The following LRRK1 variants were observed in gnomAD, a reference collection of about 807,000 sequenced individuals.
LRRK1 encodes the protein leucine rich repeat kinase 1, also known as leucine-rich repeat serine/threonine-protein kinase 1.
In LRRK1, 113 loss-of-function variants were observed where a neutral mutation model predicts 209.1. The ratio of observed to expected loss-of-function variants is 0.54; its 90% confidence interval spans 0.46 to 0.63. LRRK1 has a LOEUF of 0.63. Ranked by LOEUF, LRRK1 falls within the 30% of genes least tolerant of loss-of-function variation. The pLI, the probability that LRRK1 is intolerant of heterozygous loss-of-function variation, is 0.00. For synonymous variants in LRRK1, 1,144 were observed against 1,099.7 expected (o/e 1.04, Z -0.80); for missense variants, 2,284 against 2,632.2 (o/e 0.87, Z 2.89).
At chr15:100,989,054 C>T (rs1181585299) in intron 5 of LRRK1, among the ~76,000 whole-genome samples, 196 bp from the exon 6 acceptor site, 6 of 152,210 alleles carry the variant, frequency 3.9e-5, no homozygotes, top group African/African-American at 7.2e-5. Flanking sequence ...GACTGTTGTA[C>T]GAGGCACTCC....
chr15:101,053,836 G>A (rs1433370348), intron 26 of LRRK1, among the ~76,000 whole-genome samples: 1 of 152,190 alleles, frequency 6.6e-6, no homozygotes, highest in Non-Finnish European at 1.5e-5. Context: ...AACATAAAAT[G>A]TCGAAGTAAT....
At chr15:101,017,436 G>A (rs963333) in intron 12 of LRRK1, among the ~76,000 whole-genome samples, 110,720 of 152,006 alleles carry the variant, frequency 0.73, 41,632 homozygotes, top group Middle Eastern at 0.88. Context: ...GAAATACATC[G>A]GGAGTCCCCA....
chr15:101,063,194 C>T (rs1279576510), intron 31 of LRRK1, among the ~76,000 whole-genome samples: 1 of 152,204 alleles, frequency 6.6e-6, no homozygotes, highest in African/African-American at 2.4e-5. Context: ...TCTTTAACCT[C>T]CTAGCCCTGG....
In LRRK1 at chr15:101,024,931, C is replaced by T. The variant is rs781545053; in HGVS notation, c.2196C>T (p.Ala732=). 17 of 1,613,876 alleles carry T rather than the reference C, an allele frequency of 1.1e-5. No individual in the cohort carries two copies. The highest frequency in any genetic ancestry group is 1.2e-5 in the Non-Finnish European group (14 of 1,180,020). The stretch of plus-strand genomic sequence containing the variant: ...GGAACCTGGCGCTGGGGGAGGAGGC[C>T]GTGGCCAACCTCCAGTTCTGGCTGC... The part of the protein sequence containing the change: ...VVWNLALGEE[A]VANLQFWLLN... Residue 732 remains alanine, a synonymous_variant, in exon 16 of 34, where the codon GCC becomes GCT. Transcript: ENST00000388948. This position sits in a 1 kb window ranked among gnomAD's most constrained non-coding sequence, Gnocchi z 4.6.
chr15:100,984,236 CTCCACATGGT>C (rs1490422621), intron 4 of LRRK1, among the ~76,000 whole-genome samples: 2 of 152,184 alleles, frequency 1.3e-5, no homozygotes, highest in Non-Finnish European at 2.9e-5. Context: ...ACTGTGCGCC[CTCCACATGGT>C]TTTCCCTATA....
At chr15:101,061,137 C>A in intron 29 of LRRK1, 34 bp from the exon 30 acceptor site, 1 of 1,533,596 alleles carries the variant, frequency 6.5e-7, no homozygotes, top group Non-Finnish European at 9.0e-7. Flanking sequence ...CCCTGGCCCC[C>A]GGGCACTGAC....
chr15:101,030,848 C>T (rs959710048), intron 20 of LRRK1, among the ~76,000 whole-genome samples: 4 of 152,086 alleles, frequency 2.6e-5, no homozygotes, highest in South Asian at 2.1e-4. Flanking sequence ...AGATTTCTGG[C>T]GCACCATCAC....
At position 101,076,875 on chromosome 15, in the gene LRRK1, C is replaced by T. The variant is rs1394526643; in HGVS notation, c.*8027C>T. 1.1e-3 allele frequency: 175 copies of T among 152,284 alleles called. 1 individual carries two copies. Among genetic ancestry groups the T allele is most frequent in the African/African-American group, 3.9e-3 (163 of 41,526 alleles). The allele number at this position is 152,284 out of a possible 1,614,324, so 9.4% of individuals were successfully genotyped here. ...TTCCTACAGGGTCTGAGAAGGCCAC[C>T]ATGGTCATTTCTTCCCTTCTGTCAA... On this transcript the variant is annotated 3_prime_UTR_variant, in exon 34 of 34. Transcript: ENST00000388948.
At chr15:100,942,967 G>A (rs1168575487) in intron 2 of LRRK1, among the ~76,000 whole-genome samples, 1 of 152,128 alleles carries the variant, frequency 6.6e-6, no homozygotes, top group Admixed American at 6.5e-5. Context: ...CGTAGTGCTG[G>A]CCATCCCTTT....
intron 20 of LRRK1, among the ~76,000 whole-genome samples, chr15:101,041,038 G>A (rs759331398): frequency 6.6e-6 from 1 of 152,178 alleles, no homozygotes; most frequent in Non-Finnish European, 1.5e-5. Flanking sequence ...TCTCTCTCCA[G>A]TTCTGACAGG....
rs1046335520 is a variant in LRRK1 at position 101,008,946 on chromosome 15, C to T, written c.872C>T (p.Ala291Val). The T allele has an allele frequency of 6.2e-7, 1 of 1,613,988 alleles. No homozygotes were observed. Among genetic ancestry groups the T allele is most frequent in the Non-Finnish European group, 8.5e-7 (1 of 1,179,976 alleles). Residue 291 changes from alanine to valine, a missense_variant, in exon 7 of 34, where the codon GCG becomes GTG. Coordinates refer to ENST00000388948, the MANE Select transcript of LRRK1 (RefSeq NM_024652.6). ...CTCGACCTTTCTGCCAACTGCCTGG[C>T]GACCCTCCCCTCGGTTATCCCCTGG... ...TELDLSANCL[A>V]TLPSVIPWGL...
Position 100,974,270 on chromosome 15 carries a change from G to A in LRRK1, c.261+303G>A, listed in dbSNP as rs2031162352. 2.1e-5 allele frequency: 6 copies of A among 283,660 alleles called. No individual in the cohort carries two copies. The East Asian group carries it at 3.5e-4, about 16-fold the overall frequency. The allele number at this position is 283,660 out of a possible 1,614,324, so 17.6% of individuals were successfully genotyped here. ...GGCTTAACCTACTCTATTCTTTTAC[G>A]TTTTTGTCGTTATAAAAAGTAGCAC... On this transcript the variant is annotated intron_variant, in intron 3 of 33. Coordinates refer to ENST00000388948, the MANE Select transcript of LRRK1 (RefSeq NM_024652.6).
rs1346954051 is a variant in LRRK1, at chr15:101,001,592, C to A, written c.763-7245C>A. Among the ~76,000 whole-genome samples, 4 of 152,190 alleles carry A rather than the reference C, an allele frequency of 2.6e-5. No homozygotes were observed. In the East Asian group the frequency reaches 7.7e-4, roughly 29 times the overall value. ...GTTCAACAAGGAGGAGGCACCGTCC[C>A]AGGAATCTTTGCTTAACTGCAGAAA... On this transcript the variant is annotated intron_variant, in intron 6 of 33. Transcript: ENST00000388948.
chr15:101,055,131 A>C lies in LRRK1; in HGVS notation c.4240A>C (p.Arg1414=), dbSNP rs770232826. 4.1e-5 allele frequency: 66 copies of C among 1,613,646 alleles called. No homozygotes were observed. The Admixed American group carries it at 1.1e-3, about 27-fold the overall frequency. ...CAAGCTATCTGACTACGGGATTTCG[A>C]GGCAGTCATTCCATGAGGGCGCCCT... The part of the protein sequence containing the change: ...NIKLSDYGIS[R]QSFHEGALGV... The change falls in exon 27 of 34, where the codon AGG becomes CGG. Residue 1414 remains arginine, a synonymous_variant. Transcript: ENST00000388948.
intron 4 of LRRK1, among the ~76,000 whole-genome samples, chr15:100,985,310 C>T (rs962512102): frequency 6.6e-6 from 1 of 152,082 alleles, no homozygotes; most frequent in African/African-American, 2.4e-5. Context: ...CTGTTCTAGC[C>T]CTGAAGAGTC....
At position 100,975,076 on chromosome 15, in the gene LRRK1, A is replaced by G. The variant is rs75084418; in HGVS notation, c.261+1109A>G. On this transcript the variant is annotated intron_variant, in intron 3 of 33. Coordinates refer to ENST00000388948, the MANE Select transcript of LRRK1 (RefSeq NM_024652.6). ...ATTGTTAAGCAGAAGGAAGGCATTT[A>G]AGATCCCTCTGATTAGGAATTCATG... 7.8e-3 allele frequency among the ~76,000 whole-genome samples: 1,192 copies of G among 152,324 alleles called. 17 individuals are homozygous for G. Among genetic ancestry groups the G allele is most frequent in the African/African-American group, 0.028 (1,145 of 41,566 alleles).
rs1567190972 is a variant in LRRK1 at position 100,941,404 on chromosome 15, G to GTGTGTGTCTATGTGTATGTGTC, written c.97+16680_97+16681insGTCTATGTGTATGTGTCTGTGT. On this transcript the variant is annotated intron_variant, in intron 2 of 33. Coordinates refer to ENST00000388948, the MANE Select transcript of LRRK1 (RefSeq NM_024652.6). ...TGTCTGTGTCTCTGTGTGTGTCTGT[G>GTGTGTGTCTATGTGTATGTGTC]TGTGTCTCTGTGTGTGTGTGTGTCT... Among the ~76,000 whole-genome samples, 502 of 118,676 alleles carry GTGTGTGTCTATGTGTATGTGTC rather than the reference G, an allele frequency of 4.2e-3. 62 individuals are homozygous for GTGTGTGTCTATGTGTATGTGTC. The highest frequency in any genetic ancestry group is 0.021 in the African/African-American group (415 of 19,698). 77.9% of individuals were successfully genotyped at this position (118,676 alleles called of 152,430 possible).
chr15:101,046,561 G>C (rs536524989), intron 21 of LRRK1, among the ~76,000 whole-genome samples: 5 of 152,248 alleles, frequency 3.3e-5, no homozygotes, highest in African/African-American at 1.2e-4. Flanking sequence ...TTGGAGAACC[G>C]TGAAGTTAGA....
At chr15:100,945,177 C>T (rs2042511977) in intron 2 of LRRK1, among the ~76,000 whole-genome samples, 1 of 152,174 alleles carries the variant, frequency 6.6e-6, no homozygotes, top group African/African-American at 2.4e-5. Context: ...CAACACATTC[C>T]CAAAGTGATG....
Sources: allele counts gnomAD v4.1 joint callset (sites outside exome capture counted in the v4.1 genomes callset), GRCh38; gene constraint gnomAD v4.1.1; non-coding constraint Gnocchi (gnomAD v3.1); transcripts MANE v1.5; gene names NCBI Gene and HGNC (gene_info 2026-07-23, HGNC 2026-07-21).